TEAD1: variants seen among roughly 807,000 people sequenced by gnomAD.
The protein encoded by TEAD1 is transcriptional enhancer factor TEF-1.
Under a neutral mutation model 54.9 loss-of-function variants are expected in TEAD1, and 9 were observed. The ratio of observed to expected loss-of-function variants is 0.16; its 90% CI spans 0.10 to 0.29. TEAD1 has a LOEUF of 0.29. Ranked by LOEUF, TEAD1 falls within the 10% of genes least tolerant of loss-of-function variation. TEAD1 has a pLI of 1.00. For missense variants in TEAD1, 387 were observed against 535.9 expected (o/e 0.72, Z 2.74); for synonymous variants, 200 against 187.8 (o/e 1.07, Z -0.53).
rs552634991 is a variant in TEAD1, at chr11:12,742,927, C to T, written c.-54-21252C>T. On this transcript the variant is annotated intron_variant, in intron 2 of 12. Transcript: ENST00000527636. ...GGCCTGGAATTTGGAGTATATTCTT[C>T]TGTAATGGAGATGTGGGAGGGTATT... Among the ~76,000 whole-genome samples the T allele has an allele frequency of 2.0e-5, 3 of 152,316 alleles. No individual in the cohort carries two copies. In the East Asian group the frequency reaches 5.8e-4, roughly 29 times the overall value.
intron 2 of TEAD1, among the ~76,000 whole-genome samples, chr11:12,684,555 T>G (rs1943294446): frequency 1.3e-5 from 2 of 152,238 alleles, no homozygotes; most frequent in African/African-American, 2.4e-5. Flanking sequence ...GTACTTTTGC[T>G]GCCCTCATTG....
intron 3 of TEAD1, among the ~76,000 whole-genome samples, chr11:12,772,638 C>G (rs1945336005): frequency 1.3e-5 from 2 of 152,122 alleles, no homozygotes; most frequent in Non-Finnish European, 1.5e-5. Flanking sequence ...TGTTGAGATA[C>G]TGTAGATTCA....
intron 2 of TEAD1, among the ~76,000 whole-genome samples, chr11:12,746,773 CT>C (rs377185048): frequency 5.3e-5 from 8 of 152,324 alleles, no homozygotes; most frequent in Non-Finnish European, 7.4e-5. Flanking sequence ...GCGCAGCCCC[CT>C]GGCTCTTGTG....
chr11:12,813,431 G>C (rs2133991448), intron 3 of TEAD1, among the ~76,000 whole-genome samples: 1 of 152,324 alleles, frequency 6.6e-6, no homozygotes, highest in East Asian at 1.9e-4. Context: ...TGCCCTTCTG[G>C]AAGTCTTTGT....
chr11:12,804,634 G>C (rs1007917982), intron 3 of TEAD1, among the ~76,000 whole-genome samples: 12 of 152,198 alleles, frequency 7.9e-5, no homozygotes, highest in African/African-American at 2.7e-4. Context: ...TTCTGCAGAA[G>C]CGAGTGTTAC....
chr11:12,878,316 G>GT (rs1056277078), intron 5 of TEAD1, among the ~76,000 whole-genome samples: 12 of 152,128 alleles, frequency 7.9e-5, no homozygotes, highest in African/African-American at 2.7e-4. Context: ...GCCTTGATGT[G>GT]TTTTTTTCAT....
chr11:12,807,352 T>A (rs953177880), intron 3 of TEAD1, among the ~76,000 whole-genome samples: 3 of 152,220 alleles, frequency 2.0e-5, no homozygotes, highest in African/African-American at 4.8e-5. Flanking sequence ...AATGTCTTTG[T>A]GTTGTAACAC....
chr11:12,915,410 C>G (rs1239098634), intron 10 of TEAD1, among the ~76,000 whole-genome samples: 1 of 152,222 alleles, frequency 6.6e-6, no homozygotes, highest in Non-Finnish European at 1.5e-5. Context: ...TGGCCTAGCA[C>G]CCGCCTCCAA....
At chr11:12,769,404 T>C (rs1450675584) in intron 3 of TEAD1, among the ~76,000 whole-genome samples, 1 of 152,168 alleles carries the variant, frequency 6.6e-6, no homozygotes, top group East Asian at 1.9e-4. Context: ...GGTATCAGAA[T>C]GAGAGTGCAC....
intron 2 of TEAD1, among the ~76,000 whole-genome samples, chr11:12,726,934 T>A (rs1175477439): frequency 1.3e-5 from 2 of 152,218 alleles, no homozygotes; most frequent in East Asian, 3.9e-4. Context: ...TTCACCTGTT[T>A]CTTTTTATGT....
chr11:12,904,020 AG>A (rs1430106144), intron 10 of TEAD1, among the ~76,000 whole-genome samples: 3 of 152,162 alleles, frequency 2.0e-5, no homozygotes, highest in Admixed American at 2.0e-4. Context: ...GCGAACCCCT[AG>A]GGAGTTCCTT....
At chr11:12,682,535 A>T (rs1480163629) in intron 2 of TEAD1, among the ~76,000 whole-genome samples, 1 of 152,140 alleles carries the variant, frequency 6.6e-6, no homozygotes, top group Non-Finnish European at 1.5e-5. Context: ...AATGAGGGGT[A>T]GGAAGGGTAA....
intron 9 of TEAD1, among the ~76,000 whole-genome samples, chr11:12,888,838 C>A (rs1031445225): frequency 4.6e-5 from 7 of 152,222 alleles, no homozygotes; most frequent in African/African-American, 1.4e-4. Flanking sequence ...GACTCCACAT[C>A]CTGAGATAGT....
Position 12,937,499 on chromosome 11 carries a change from C to G in TEAD1, c.*277C>G. On this transcript the variant is annotated 3_prime_UTR_variant, in exon 13 of 13. Coordinates refer to ENST00000527636, the MANE Select transcript of TEAD1 (RefSeq NM_021961.6). ...TTCAGATGTGCAGCCCACAATTCCT[C>G]GGGAAAGGTGAACCTGAACAACCCA... 1 of 293,626 alleles carries G rather than the reference C, an allele frequency of 3.4e-6. No homozygotes were observed. Among genetic ancestry groups the G allele is most frequent in the Non-Finnish European group, 6.6e-6 (1 of 152,628 alleles). The allele number at this position is 293,626 out of a possible 1,614,324, so 18.2% of individuals were successfully genotyped here.
chr11:12,852,667 C>T (rs888722261), intron 3 of TEAD1, among the ~76,000 whole-genome samples: 3 of 152,046 alleles, frequency 2.0e-5, no homozygotes, highest in African/African-American at 7.2e-5. Context: ...AGGCTGGTCT[C>T]AAACTCCTGA....
At chr11:12,881,288 C>A (rs1947960442) in intron 7 of TEAD1, among the ~76,000 whole-genome samples, 1 of 152,132 alleles carries the variant, frequency 6.6e-6, no homozygotes, top group South Asian at 2.1e-4. Context: ...TAGCAGTCAT[C>A]CAGCTGGAAG....
rs1356565209 is a variant in TEAD1, at chr11:12,808,748, C to T, written c.202+44314C>T. On this transcript the variant is annotated intron_variant, in intron 3 of 12. Transcript: ENST00000527636. Reference sequence around the variant, plus strand: ...CACAGCTGCAATTTCTCTGCCTTTACTCATCACCATAAACATACTTTAAAG... The same window carrying T: ...CACAGCTGCAATTTCTCTGCCTTTATTCATCACCATAAACATACTTTAAAG... 2.0e-5 allele frequency among the ~76,000 whole-genome samples: 3 copies of T among 152,212 alleles called. No homozygotes were observed. The East Asian group carries it at 5.8e-4, about 29-fold the overall frequency.
chr11:12,771,729 C>G (rs956692550), intron 3 of TEAD1, among the ~76,000 whole-genome samples: 3 of 152,138 alleles, frequency 2.0e-5, no homozygotes, highest in Admixed American at 1.3e-4. Flanking sequence ...TAGTTTGGAG[C>G]CTCATCATCA....
intron 5 of TEAD1, chr11:12,878,976 T>G: frequency 8.6e-7 from 1 of 1,158,838 alleles, no homozygotes; most frequent in East Asian, 5.7e-5. Context: ...CTTTGTGTTG[T>G]TAGCCTTGGC....
Sources: gnomAD v4.1 joint callset for allele counts (sites outside exome capture counted in the v4.1 genomes callset) on GRCh38, gnomAD v4.1.1 for gene constraint, MANE v1.5 for transcripts, NCBI Gene and HGNC (gene_info 2026-07-23, HGNC 2026-07-21) for gene names.